The following IP6K3 variants were observed in gnomAD, a reference collection of about 807,000 sequenced individuals.
The protein encoded by IP6K3 is inositol hexakisphosphate kinase 3.
Under a neutral mutation model 28.8 loss-of-function variants are expected in IP6K3, and 20 were observed. That is an observed-to-expected ratio of 0.70 (90% CI 0.49 to 1.01). IP6K3 has a LOEUF of 1.01. Ranked by LOEUF, IP6K3 falls within the 50% of genes least tolerant of loss-of-function variation. The pLI is 0.00. For synonymous variants in IP6K3, 213 were observed against 221.3 expected (o/e 0.96, Z 0.33); for missense variants, 480 against 537.1 (o/e 0.89, Z 1.05).
chr6:33,753,919 C>T, the IP6K3 span, among the ~76,000 whole-genome samples: 1 of 152,164 alleles, frequency 6.6e-6, no homozygotes. Flanking sequence ...CGCCATTCTC[C>T]TGCCTCAGCC....
In IP6K3 at chr6:33,723,064, C is replaced by T. The variant is rs770106533; in HGVS notation, c.889G>A (p.Glu297Lys). The change falls in exon 6 of 6, where the codon GAG (glutamate) becomes AAG (lysine). Residue 297 changes from glutamate (E) to lysine (K), a missense_variant. Physicochemically the swap from Glu to Lys is moderately conservative, Grantham distance 56. Coordinates refer to ENST00000293756, the MANE Select transcript of IP6K3 (RefSeq NM_054111.5). ...FLHNGSHLRR[E>K]LLEPILHQLR... ...TGGTGCAGGATGGGCTCCAGGAGCT[C>T]CCTCCGGAGGTGGCTTCCATTATGT... The T allele has an allele frequency of 2.7e-5, 43 of 1,613,998 alleles. No individual in the cohort carries two copies. The highest frequency in any genetic ancestry group is 3.3e-5 in the Admixed American group (2 of 60,008).
At chr6:33,761,049 A>G in the IP6K3 span, among the ~76,000 whole-genome samples, 1 of 151,948 alleles carries the variant, frequency 6.6e-6, no homozygotes, top group Non-Finnish European at 1.5e-5. Context: ...TGAATCTTTA[A>G]CGGTGGGATT....
At chr6:33,723,300 T>C (rs1329895839) in intron 5 of IP6K3, 113 bp from the exon 6 acceptor site, 4 of 688,776 alleles carry the variant, frequency 5.8e-6, no homozygotes, top group Non-Finnish European at 7.1e-6. Flanking sequence ...TTTTAGGAGA[T>C]GTAGGGCAAG....
At chr6:33,741,535 A>C (rs974493393) in intron 1 of IP6K3, among the ~76,000 whole-genome samples, 1 of 150,732 alleles carries the variant, frequency 6.6e-6, no homozygotes, top group African/African-American at 2.4e-5. Context: ...AATCCCAGCT[A>C]CTCGGGAGGC....
chr6:33,761,546 A>G, the IP6K3 span, among the ~76,000 whole-genome samples: 1 of 151,974 alleles, frequency 6.6e-6, no homozygotes, highest in Admixed American at 6.5e-5. Flanking sequence ...AGCCTCCAAG[A>G]GTCAGATGCA....
chr6:33,762,025 C>T, the IP6K3 span, among the ~76,000 whole-genome samples: 2 of 152,170 alleles, frequency 1.3e-5, no homozygotes, highest in Admixed American at 1.3e-4. Context: ...GTCAGCAGGC[C>T]CCATGTTGGC....
upstream of IP6K3, among the ~76,000 whole-genome samples, chr6:33,748,991 C>T (rs560154445): frequency 7.5e-4 from 114 of 152,256 alleles, 1 homozygote; most frequent in Admixed American, 3.9e-3. Flanking sequence ...TGCTGGGCTC[C>T]GGTTACCTGG....
intron 1 of IP6K3, among the ~76,000 whole-genome samples, chr6:33,738,819 G>A (rs1766620011): frequency 6.6e-6 from 1 of 152,200 alleles, no homozygotes; most frequent in Admixed American, 6.5e-5. Context: ...CAGTGCTGGG[G>A]CAGGTTTTCC....
chr6:33,752,349 C>T, the IP6K3 span, among the ~76,000 whole-genome samples: 1 of 152,186 alleles, frequency 6.6e-6, no homozygotes, highest in Non-Finnish European at 1.5e-5. Flanking sequence ...GGGTGGAGGG[C>T]CTCTTTCCTC....
chr6:33,735,395 G>GC lies in IP6K3; in HGVS notation c.81dup (p.His28AlafsTer8), dbSNP rs1404845875. The stretch of plus-strand genomic sequence containing the variant: ...TCGTCATACTTCATCACGCTCATGT[G>GC]CCCCCCGACCTGGTGCAGGAAGGGC... On this transcript the variant is annotated frameshift_variant, in exon 2 of 6. Coordinates refer to ENST00000293756, the MANE Select transcript of IP6K3 (RefSeq NM_054111.5). LOFTEE classifies it high-confidence loss of function. 4 of 1,606,902 alleles carry GC rather than the reference G, an allele frequency of 2.5e-6. No individual in the cohort carries two copies. Among genetic ancestry groups the GC allele is most frequent in the Non-Finnish European group, 3.4e-6 (4 of 1,176,576 alleles).
At chr6:33,754,883 T>A in the IP6K3 span, among the ~76,000 whole-genome samples, 1 of 152,192 alleles carries the variant, frequency 6.6e-6, no homozygotes, top group African/African-American at 2.4e-5. Context: ...TGAATATGTA[T>A]CAACTCAGTC....
At chr6:33,745,514 A>G (rs1766874891) in intron 1 of IP6K3, among the ~76,000 whole-genome samples, 1 of 152,098 alleles carries the variant, frequency 6.6e-6, no homozygotes, top group Admixed American at 6.5e-5. Context: ...CTCCTATGGG[A>G]CAACCCCCCC....
intron 2 of IP6K3, among the ~76,000 whole-genome samples, chr6:33,730,271 C>T (rs868817564): frequency 6.6e-6 from 1 of 152,218 alleles, no homozygotes; most frequent in Non-Finnish European, 1.5e-5. Flanking sequence ...GTTATCAGGG[C>T]TGCTCTATAA....
At chr6:33,745,606 AAG>A (rs1213581589) in intron 1 of IP6K3, among the ~76,000 whole-genome samples, 1 of 152,140 alleles carries the variant, frequency 6.6e-6, no homozygotes, top group Non-Finnish European at 1.5e-5. Flanking sequence ...TTCTAATTGA[AAG>A]AGATTTAAGA....
At chr6:33,724,737 AAGG>A (rs1766031814) in intron 5 of IP6K3, among the ~76,000 whole-genome samples, 1 of 152,130 alleles carries the variant, frequency 6.6e-6, no homozygotes, top group South Asian at 2.1e-4. Flanking sequence ...CATTCAAGAG[AAGG>A]AGGACTCAGG....
chr6:33,735,310 A>C lies in IP6K3; in HGVS notation c.167T>G (p.Leu56Arg), dbSNP rs777440889. The stretch of plus-strand genomic sequence containing the variant: ...CTGTGGGGTGAACCGCTTCATGGCC[A>C]GCGGCAGGGATTCATAGAACCTCTG... ...REQRFYESLPLAMKRFTPQYK... is the reference protein window; with the variant it reads ...REQRFYESLPRAMKRFTPQYK... Residue 56 changes from leucine to arginine, a missense_variant, in exon 2 of 6, where the codon CTG becomes CGG. By Grantham distance (102) the Leu-to-Arg change is moderately radical (BLOSUM62 -2). Transcript: ENST00000293756. The C allele has an allele frequency of 1.9e-6, 3 of 1,611,342 alleles. No individual in the cohort carries two copies. Among genetic ancestry groups the C allele is most frequent in the African/African-American group, 1.3e-5 (1 of 74,848 alleles).
At chr6:33,731,946 C>G (rs917760197) in intron 2 of IP6K3, among the ~76,000 whole-genome samples, 6 of 152,210 alleles carry the variant, frequency 3.9e-5, no homozygotes, top group African/African-American at 1.4e-4. Context: ...GCTGGACAGA[C>G]AAGAGAGCTT....
chr6:33,750,298 G>A (rs10947435), upstream of IP6K3, among the ~76,000 whole-genome samples: 64,371 of 152,030 alleles, frequency 0.42, 16,007 homozygotes, highest in East Asian at 0.87. This position sits in a 1 kb window ranked among gnomAD's most constrained non-coding sequence, Gnocchi z 4.3. Context: ...TTCAAGTCAC[G>A]TCACTTTGCT....
Position 33,722,048 on chromosome 6 carries a change from A to G in IP6K3, c.*672T>C, listed in dbSNP as rs1362389475. ...TCCTCATTTTAAGAGATTTTGGGGG[A>G]AAAAAAGGAAAAAAAAGCCTGTAAA... On this transcript the variant is annotated 3_prime_UTR_variant, in exon 6 of 6. Coordinates refer to ENST00000293756, the MANE Select transcript of IP6K3 (RefSeq NM_054111.5). The G allele has an allele frequency of 5.9e-5, 9 of 152,042 alleles. No homozygotes were observed. The highest frequency in any genetic ancestry group is 7.4e-5 in the Non-Finnish European group (5 of 67,926). 9.4% of individuals were successfully genotyped at this position (152,042 alleles called of 1,614,324 possible).
Sources: allele counts gnomAD v4.1 joint callset (sites outside exome capture counted in the v4.1 genomes callset), GRCh38; gene constraint gnomAD v4.1.1; non-coding constraint Gnocchi (gnomAD v3.1); transcripts MANE v1.5; gene names NCBI Gene and HGNC (gene_info 2026-07-23, HGNC 2026-07-21).